Variants in DOCK2 observed in about 807,000 individuals in gnomAD.
DOCK2 encodes the protein dedicator of cytokinesis 2.
In DOCK2, 87 loss-of-function variants were observed where a neutral mutation model predicts 248.9. That is an observed-to-expected ratio of 0.35 (90% confidence interval 0.29 to 0.42). The LOEUF (loss-of-function observed/expected upper bound fraction) is 0.42, where lower values mean the gene tolerates loss of function less well. Among genes scored for constraint, DOCK2 ranks in the 10% least tolerant of loss-of-function variants. DOCK2 has a pLI of 1.00. For synonymous variants in DOCK2, 805 were observed against 821.6 expected, an observed-to-expected ratio of 0.98 and a Z score of 0.35; for missense variants, 1,747 against 2,300.2, an observed-to-expected ratio of 0.76 and a Z score of 4.92.
chr5:169,770,290 C>CTTTTT (rs60938799), intron 25 of DOCK2, among the ~76,000 whole-genome samples: 4 of 101,628 alleles, frequency 3.9e-5, no homozygotes, highest in South Asian at 3.5e-4. Context: ...ATTCTTGAGT[C>CTTTTT]TTTTTTTTTT....
intron 27 of DOCK2, chr5:169,875,185 TA>T (rs11390591): frequency 1.5e-5 from 7 of 455,940 alleles, no homozygotes; most frequent in South Asian, 1.1e-4. Context: ...ATTTTTTACC[TA>T]AAAAAATCCT....
At chr5:169,961,833 G>T (rs1561852850) in intron 27 of DOCK2, among the ~76,000 whole-genome samples, 1 of 151,790 alleles carries the variant, frequency 6.6e-6, no homozygotes, top group Non-Finnish European at 1.5e-5. Flanking sequence ...CAAAAAATTA[G>T]CTGAGTGTGG....
chr5:169,672,584 C>T (rs1470865998), intron 5 of DOCK2, among the ~76,000 whole-genome samples: 1 of 152,122 alleles, frequency 6.6e-6, no homozygotes, highest in Admixed American at 6.5e-5. Context: ...CTTGATTCCC[C>T]GTCACCAACT....
intron 36 of DOCK2, among the ~76,000 whole-genome samples, chr5:170,037,232 A>G (rs1190961063): frequency 6.6e-6 from 1 of 151,966 alleles, no homozygotes; most frequent in Non-Finnish European, 1.5e-5. Flanking sequence ...GGACTTTTTT[A>G]TATTTATATA....
At chr5:169,664,023 A>G (rs1212457777) in intron 2 of DOCK2, among the ~76,000 whole-genome samples, 1 of 152,174 alleles carries the variant, frequency 6.6e-6, no homozygotes, top group African/African-American at 2.4e-5. Flanking sequence ...ATAATTTCCA[A>G]TTTCAGACCA....
At chr5:169,741,944 A>G (rs1368163152) in intron 22 of DOCK2, among the ~76,000 whole-genome samples, 3 of 151,260 alleles carry the variant, frequency 2.0e-5, no homozygotes, top group Admixed American at 1.3e-4. Context: ...CAAGTAGCTG[A>G]GACTACAGGC....
At chr5:169,774,179 T>C (rs2113779521) in intron 25 of DOCK2, among the ~76,000 whole-genome samples, 1 of 152,272 alleles carries the variant, frequency 6.6e-6, no homozygotes, top group South Asian at 2.1e-4. Context: ...TACAGTTGAA[T>C]TGAAAATTTG....
intron 27 of DOCK2, among the ~76,000 whole-genome samples, chr5:169,892,916 G>A (rs1471703597): frequency 6.6e-6 from 1 of 151,692 alleles, no homozygotes; most frequent in Non-Finnish European, 1.5e-5. Context: ...CTTCTCTTCT[G>A]TTTTCTCCAG....
At chr5:169,758,906 G>A (rs1043844515) in intron 23 of DOCK2, among the ~76,000 whole-genome samples, 1 of 152,194 alleles carries the variant, frequency 6.6e-6, no homozygotes, top group Non-Finnish European at 1.5e-5. Flanking sequence ...ATACATGTTA[G>A]TAACAGAACA....
intron 27 of DOCK2, among the ~76,000 whole-genome samples, chr5:169,925,579 TAAAA>T (rs34833916): frequency 1.4e-4 from 11 of 80,260 alleles, no homozygotes; most frequent in Admixed American, 4.5e-4. Flanking sequence ...GACTCTGTCT[TAAAA>T]AAAAAAAAAA....
intron 27 of DOCK2, among the ~76,000 whole-genome samples, chr5:169,874,331 TAA>T (rs1772176775): frequency 7.1e-6 from 1 of 141,798 alleles, no homozygotes; most frequent in Non-Finnish European, 1.5e-5. Context: ...AAAAATCGCT[TAA>T]ACCTGGGAGG....
At position 169,763,127 on chromosome 5, in the gene DOCK2, C is replaced by CAGGTGGTTTTTGTG. The variant is rs935182938; in HGVS notation, c.2554+1507_2554+1520dup. On this transcript the variant is annotated intron_variant, in intron 25 of 51. Coordinates refer to ENST00000520908, the MANE Select transcript of DOCK2 (RefSeq NM_004946.3). This position sits in a 1 kb window ranked among gnomAD's most constrained non-coding sequence, Gnocchi z 4.1. The stretch of plus-strand genomic sequence containing the variant: ...CAATAAATATGTAGTTTGTTTGAGC[C>CAGGTGGTTTTTGTG]AGGTGGTTTTTGTGAGGTTATGGAG... Among the ~76,000 whole-genome samples, 6 of 152,144 alleles carry CAGGTGGTTTTTGTG rather than the reference C, an allele frequency of 3.9e-5. No individual in the cohort carries two copies. The highest frequency in any genetic ancestry group is 2.6e-4 in the Admixed American group (4 of 15,276).
intron 6 of DOCK2, among the ~76,000 whole-genome samples, chr5:169,675,626 A>C (rs1166138611): frequency 1.3e-5 from 2 of 152,228 alleles, no homozygotes; most frequent in East Asian, 3.8e-4. Flanking sequence ...AAGGATAAAG[A>C]GATATTAAGC....
intron 27 of DOCK2, among the ~76,000 whole-genome samples, chr5:169,902,875 G>A (rs1486895566): frequency 6.6e-5 from 10 of 152,096 alleles, no homozygotes; most frequent in African/African-American, 9.7e-5. Context: ...CGAGGCAGGC[G>A]GATCACAAGG....
chr5:170,019,236 C>G, intron 33 of DOCK2, 128 bp downstream of exon 33: 1 of 1,416,112 alleles, frequency 7.1e-7, no homozygotes, highest in Non-Finnish European at 9.7e-7. Context: ...GACATTTATT[C>G]ATGGGTCCGG....
chr5:170,075,001 C>T (rs1581577167), intron 46 of DOCK2, among the ~76,000 whole-genome samples: 4 of 152,320 alleles, frequency 2.6e-5, no homozygotes, highest in South Asian at 2.1e-4. Flanking sequence ...CACCTCCTGG[C>T]ACACATATTG....
intron 35 of DOCK2, 139 bp downstream of exon 35, chr5:170,034,694 C>T: frequency 1.6e-6 from 2 of 1,250,518 alleles, no homozygotes; most frequent in Non-Finnish European, 1.1e-6. Flanking sequence ...AATGGAACGT[C>T]TGCTGCGCTT....
At chr5:169,902,650 G>C (rs1773993902) in intron 27 of DOCK2, among the ~76,000 whole-genome samples, 1 of 152,222 alleles carries the variant, frequency 6.6e-6, no homozygotes, top group African/African-American at 2.4e-5. Flanking sequence ...ATGATGCTGA[G>C]TGTTCCACAG....
At chr5:170,031,811 A>G (rs1756145639) in intron 34 of DOCK2, among the ~76,000 whole-genome samples, 1 of 152,200 alleles carries the variant, frequency 6.6e-6, no homozygotes, top group South Asian at 2.1e-4. Flanking sequence ...CATAAAGAAT[A>G]GGAAAAGAAA....
Sources: gnomAD v4.1 joint callset for allele counts (sites outside exome capture counted in the v4.1 genomes callset) on GRCh38, gnomAD v4.1.1 for gene constraint, Gnocchi (gnomAD v3.1) non-coding constraint, MANE v1.5 for transcripts, NCBI Gene and HGNC (gene_info 2026-07-23, HGNC 2026-07-21) for gene names.